Variants in CCSER1 observed in about 807,000 individuals in gnomAD.
The protein encoded by CCSER1 is serine-rich coiled-coil domain-containing protein 1.
A neutral mutation model predicts 82.0 loss-of-function variants in CCSER1; 41 were observed. The observed-to-expected ratio is 0.50, with a 90% CI of 0.39 to 0.65. CCSER1 has a LOEUF of 0.65. CCSER1 is among the 30% of genes least tolerant of loss of function. The pLI is 0.00. For synonymous variants in CCSER1, 414 were observed against 383.9 expected (o/e 1.08, Z -0.92); for missense variants, 1,119 against 1,064.2 (o/e 1.05, Z -0.72).
intron 10 of CCSER1, among the ~76,000 whole-genome samples, chr4:91,107,087 C>T (rs1338595969): frequency 6.6e-6 from 1 of 152,170 alleles, no homozygotes; most frequent in African/African-American, 2.4e-5. Context: ...ATATTTAACA[C>T]TGTGTTACAG....
chr4:91,263,690 C>T (rs1271391975), intron 10 of CCSER1, among the ~76,000 whole-genome samples: 2 of 151,692 alleles, frequency 1.3e-5, no homozygotes, highest in African/African-American at 2.4e-5. Context: ...ATTTCAAAGC[C>T]AGTATCCATA....
intron 6 of CCSER1, among the ~76,000 whole-genome samples, chr4:90,712,082 T>G (rs1166113058): frequency 8.5e-6 from 1 of 117,718 alleles, no homozygotes. Flanking sequence ...GCTATTAATT[T>G]TTTTCAAAAA....
intron 7 of CCSER1, among the ~76,000 whole-genome samples, chr4:90,791,429 TC>T (rs1755217198): frequency 6.6e-6 from 1 of 152,142 alleles, no homozygotes; most frequent in Non-Finnish European, 1.5e-5. Flanking sequence ...ACCCCAGCCT[TC>T]AATAACCATC....
intron 6 of CCSER1, among the ~76,000 whole-genome samples, chr4:90,650,975 G>A (rs373240320): frequency 1.9e-4 from 29 of 152,272 alleles, no homozygotes; most frequent in African/African-American, 4.1e-4. Context: ...TGTCTCTGAC[G>A]TTTGCATACT....
chr4:90,368,920 A>G (rs563266240), intron 3 of CCSER1, among the ~76,000 whole-genome samples: 1 of 152,096 alleles, frequency 6.6e-6, no homozygotes, highest in South Asian at 2.1e-4. Context: ...GTCAGAAAGA[A>G]ATACAAACCC....
intron 1 of CCSER1, among the ~76,000 whole-genome samples, chr4:90,274,301 A>T (rs1727134134): frequency 6.6e-6 from 1 of 152,180 alleles, no homozygotes; most frequent in Non-Finnish European, 1.5e-5. Flanking sequence ...GGTGGAAAAA[A>T]AATAGAAAAC....
At chr4:90,780,699 C>A in intron 7 of CCSER1, 1 of 1,315,206 alleles carries the variant, frequency 7.6e-7, no homozygotes, top group South Asian at 2.4e-5. Context: ...GCAAGACAAA[C>A]GGTCAGGAGG....
At chr4:91,403,250 C>T (rs1752461927) in intron 10 of CCSER1, among the ~76,000 whole-genome samples, 1 of 152,106 alleles carries the variant, frequency 6.6e-6, no homozygotes, top group African/African-American at 2.4e-5. Context: ...GATTTTGTAT[C>T]CTGAGACTTT....
intron 1 of CCSER1, among the ~76,000 whole-genome samples, chr4:90,283,364 A>G (rs1224839704): frequency 6.6e-6 from 1 of 151,872 alleles, no homozygotes; most frequent in Non-Finnish European, 1.5e-5. Context: ...TTAAATTGTT[A>G]TGGATACCTA....
intron 9 of CCSER1, among the ~76,000 whole-genome samples, chr4:90,976,406 C>A (rs1232930548): frequency 6.6e-6 from 1 of 150,736 alleles, no homozygotes; most frequent in African/African-American, 2.4e-5. Context: ...ATAATTATAT[C>A]TAATTTAGTT....
chr4:90,135,727 G>C (rs886778077), intron 1 of CCSER1, among the ~76,000 whole-genome samples: 9 of 152,090 alleles, frequency 5.9e-5, no homozygotes, highest in Admixed American at 4.6e-4. Context: ...TTCCTTACCT[G>C]GCTGTGCCCC....
At chr4:90,245,393 G>T (rs1055019591) in intron 1 of CCSER1, among the ~76,000 whole-genome samples, 6 of 151,974 alleles carry the variant, frequency 3.9e-5, no homozygotes, top group African/African-American at 1.2e-4. Flanking sequence ...GAAACAAGGT[G>T]CTGGTAGCTG....
In CCSER1 at chr4:91,210,709, T is replaced by C. The variant is rs536173086; in HGVS notation, c.2217+124715T>C. The stretch of plus-strand genomic sequence containing the variant: ...AGGATCTACTGTAGATTGAAGAAGA[T>C]AAAAGACAAATGACAATTATATGCA... On this transcript the variant is annotated intron_variant, in intron 10 of 10. Transcript: ENST00000509176. Among the ~76,000 whole-genome samples the C allele has an allele frequency of 3.3e-5, 5 of 151,988 alleles. No homozygotes were observed. In the East Asian group the frequency reaches 9.7e-4, roughly 29 times the overall value.
chr4:91,269,360 G>A (rs555642273), intron 10 of CCSER1, among the ~76,000 whole-genome samples: 1 of 152,216 alleles, frequency 6.6e-6, no homozygotes, highest in East Asian at 1.9e-4. Context: ...TCGGGGAATC[G>A]CCAAGCATTT....
intron 10 of CCSER1, among the ~76,000 whole-genome samples, chr4:91,331,104 G>T (rs969521532): frequency 6.6e-6 from 1 of 152,022 alleles, no homozygotes; most frequent in Non-Finnish European, 1.5e-5. Flanking sequence ...TCAAGATAAG[G>T]GGGAACTACT....
intron 8 of CCSER1, among the ~76,000 whole-genome samples, chr4:90,897,889 G>A (rs1383645222): frequency 1.3e-5 from 2 of 152,144 alleles, no homozygotes; most frequent in East Asian, 3.9e-4. Context: ...TTTTTCATAT[G>A]TTTGTTGGCA....
At chr4:91,120,593 G>A (rs1458470451) in intron 10 of CCSER1, among the ~76,000 whole-genome samples, 1 of 151,908 alleles carries the variant, frequency 6.6e-6, no homozygotes, top group African/African-American at 2.4e-5. Flanking sequence ...TACAGGTTGA[G>A]TACTTGTGAA....
chr4:90,485,631 T>G (rs7676707), intron 5 of CCSER1, among the ~76,000 whole-genome samples: 2,277 of 151,806 alleles, frequency 0.015, 36 homozygotes, highest in African/African-American at 0.044. Context: ...GTGATACAGG[T>G]TATTTCATCA....
intron 10 of CCSER1, among the ~76,000 whole-genome samples, chr4:91,594,768 T>A (rs928747683): frequency 1.3e-5 from 2 of 152,058 alleles, no homozygotes; most frequent in Non-Finnish European, 2.9e-5. Context: ...CCCAGAATAA[T>A]TAATTTATTC....
Sources: gnomAD v4.1 joint callset for allele counts (sites outside exome capture counted in the v4.1 genomes callset) on GRCh38, gnomAD v4.1.1 for gene constraint, MANE v1.5 for transcripts, NCBI Gene and HGNC (gene_info 2026-07-23, HGNC 2026-07-21) for gene names.